Variants in POT1 observed in about 807,000 individuals in gnomAD.
POT1 encodes protection of telomeres protein 1.
Under a neutral mutation model 78.5 loss-of-function variants are expected in POT1, and 47 were observed. The observed-to-expected ratio is 0.60, with a 90% CI of 0.47 to 0.76. The LOEUF (loss-of-function observed/expected upper bound fraction) is 0.76. POT1 is among the 30% of genes least tolerant of loss of function. POT1 has a pLI of 0.00. For synonymous variants in POT1, 259 were observed against 260.7 expected, an observed-to-expected ratio of 0.99 and a Z score of 0.06; for missense variants, 646 against 749.9, an observed-to-expected ratio of 0.86 and a Z score of 1.62.
At chr7:124,928,723 ATACC>A (rs2116732629) in intron 2 of POT1, 88 bp downstream of exon 2, 1 of 152,778 alleles carries the variant, frequency 6.5e-6, no homozygotes, top group South Asian at 2.1e-4. Flanking sequence ...GATAAAAACC[ATACC>A]TAAACCAGTT....
intron 11 of POT1, among the ~76,000 whole-genome samples, chr7:124,850,342 A>G (rs1795272761): frequency 6.6e-6 from 1 of 152,264 alleles, no homozygotes; most frequent in Non-Finnish European, 1.5e-5. Flanking sequence ...GTAACTATGG[A>G]CAAATTATAT....
chr7:124,922,577 G>A (rs1386349564), intron 2 of POT1, among the ~76,000 whole-genome samples: 1 of 151,924 alleles, frequency 6.6e-6, no homozygotes, highest in Non-Finnish European at 1.5e-5. Flanking sequence ...TGGTACAATA[G>A]TAGCTGTAAG....
At chr7:124,850,247 TGAA>T (rs775894752) in intron 11 of POT1, among the ~76,000 whole-genome samples, 30 of 152,044 alleles carry the variant, frequency 2.0e-4, no homozygotes, top group Non-Finnish European at 3.4e-4. Flanking sequence ...ACAGAGAGAA[TGAA>T]GAAAATAAAT....
intron 6 of POT1, among the ~76,000 whole-genome samples, chr7:124,891,366 T>C (rs1796367374): frequency 1.3e-5 from 2 of 151,732 alleles, no homozygotes; most frequent in South Asian, 4.1e-4. Flanking sequence ...AGAAGTATCT[T>C]TCTCCATTCC....
At position 124,858,443 on chromosome 7, in the gene POT1, G is replaced by T. The variant is rs1795500055; in HGVS notation, c.702+514C>A. Among the ~76,000 whole-genome samples, 2 of 151,852 alleles carry T rather than the reference G, an allele frequency of 1.3e-5. 1 individual carries two copies. The highest frequency in any genetic ancestry group is 4.2e-4 in the South Asian group (2 of 4,812). On this transcript the variant is annotated intron_variant, in intron 9 of 18. Coordinates refer to ENST00000357628, the MANE Select transcript of POT1 (RefSeq NM_015450.3). ...CTGTGCACCTTAATGTATTTCAGAAGACAGTATGCAAATTCTATAAATTAC... is the reference window on the plus strand; with the variant it reads ...CTGTGCACCTTAATGTATTTCAGAATACAGTATGCAAATTCTATAAATTAC...
At position 124,902,702 on chromosome 7, in the gene POT1, A is replaced by G. The variant is rs550138401; in HGVS notation, c.-153-4328T>C. On this transcript the variant is annotated intron_variant, in intron 3 of 18. Coordinates refer to ENST00000357628, the MANE Select transcript of POT1 (RefSeq NM_015450.3). ...ATTAACCTTAAATGTAAATGGGCTAAATGCTCCAATTAAAAGACACAGAAT... is the reference window on the plus strand; with the variant it reads ...ATTAACCTTAAATGTAAATGGGCTAGATGCTCCAATTAAAAGACACAGAAT... Among the ~76,000 whole-genome samples, 358 of 152,330 alleles carry G rather than the reference A, an allele frequency of 2.4e-3. 1 individual carries two copies. Among genetic ancestry groups the G allele is most frequent in the African/African-American group, 8.3e-3 (346 of 41,576 alleles).
intron 16 of POT1, among the ~76,000 whole-genome samples, chr7:124,828,712 T>C (rs1344122239): frequency 6.6e-6 from 1 of 152,028 alleles, no homozygotes; most frequent in African/African-American, 2.4e-5. Context: ...AAAAAAAAAT[T>C]ACATTAAGAA....
At chr7:124,916,473 G>C (rs1254150578) in intron 2 of POT1, among the ~76,000 whole-genome samples, 1 of 152,034 alleles carries the variant, frequency 6.6e-6, no homozygotes, top group Non-Finnish European at 1.5e-5. Context: ...AGAGAGTTGA[G>C]GTCACAGGGC....
chr7:124,825,213 G>A lies in POT1; in HGVS notation c.1792+39C>T, dbSNP rs765931131. On this transcript the variant is annotated intron_variant, in intron 18 of 18. Transcript: ENST00000357628. Reference sequence around the variant, plus strand: ...TACATATATGTTAGTGCTATCTCAAGTAAAAGAAGTGTGGGATTGTTAAAA... The same window carrying A: ...TACATATATGTTAGTGCTATCTCAAATAAAAGAAGTGTGGGATTGTTAAAA... The A allele has an allele frequency of 1.1e-5, 15 of 1,372,050 alleles. No individual in the cohort carries two copies. The South Asian group carries it at 1.7e-4, about 16-fold the overall frequency. The allele number at this position is 1,372,050 out of a possible 1,614,324, so 85.0% of individuals were successfully genotyped here. A position where few individuals can be genotyped will look rare whatever the true frequency, so the allele number is the denominator to read the frequency against.
At chr7:124,824,270 C>T (rs940509666) in intron 18 of POT1, among the ~76,000 whole-genome samples, 196 bp from the exon 19 acceptor site, 1 of 151,452 alleles carries the variant, frequency 6.6e-6, no homozygotes, top group Non-Finnish European at 1.5e-5. Context: ...TGTTTTGGAG[C>T]AATTGTGACT....
intron 5 of POT1, among the ~76,000 whole-genome samples, chr7:124,893,723 T>C (rs887311205): frequency 6.6e-6 from 1 of 151,594 alleles, no homozygotes; most frequent in Non-Finnish European, 1.5e-5. Flanking sequence ...GAAATAACTA[T>C]GCTTGCCCAA....
rs913532816 is a variant in POT1, at chr7:124,851,925, G to A, written c.896C>T (p.Ala299Val). ...ACAGATAACATCTGAATGCTGATTG[G>A]CTGTCAAATTTGCAGATTCTAAATC... ...KKDLESANLT[A>V]NQHSDVICQS... The change falls in exon 11 of 19, where the codon GCC becomes GTC. Residue 299 changes from alanine to valine, a missense_variant. Around this residue, in one of 2 missense-constraint regions of POT1, gnomAD observed 394 missense variants for 408.4 expected, o/e 0.96. Coordinates refer to ENST00000357628, the MANE Select transcript of POT1 (RefSeq NM_015450.3). 5.0e-6 allele frequency: 8 copies of A among 1,611,064 alleles called. No homozygotes were observed. In the Admixed American group the frequency reaches 1.2e-4, roughly 24 times the overall value.
intron 5 of POT1, among the ~76,000 whole-genome samples, chr7:124,896,735 G>A (rs2116641726): frequency 6.6e-6 from 1 of 151,608 alleles, no homozygotes; most frequent in Admixed American, 6.6e-5. Context: ...AAAAAGAAAT[G>A]TATCATAAGT....
chr7:124,918,828 C>T (rs1797078980), intron 2 of POT1, among the ~76,000 whole-genome samples: 1 of 152,072 alleles, frequency 6.6e-6, no homozygotes, highest in Non-Finnish European at 1.5e-5. Context: ...AATAGCTGCC[C>T]TATATAAACT....
Position 124,825,482 on chromosome 7 carries a change from T to C in POT1, c.1687-125A>G, listed in dbSNP as rs1464368931. On this transcript the variant is annotated intron_variant, in intron 17 of 18. Coordinates refer to ENST00000357628, the MANE Select transcript of POT1 (RefSeq NM_015450.3). ...TCTAGACAGTTTCCCTCTATCAAGA[T>C]TGTAGAATTCATAAACTAGAATGCT... 7.3e-6 allele frequency: 4 copies of C among 548,148 alleles called. No individual in the cohort carries two copies. The East Asian group carries it at 9.6e-5, about 13-fold the overall frequency. 34.0% of individuals were successfully genotyped at this position (548,148 alleles called of 1,614,324 possible).
chr7:124,833,454 A>T (rs1359698102), intron 15 of POT1, among the ~76,000 whole-genome samples: 2 of 152,228 alleles, frequency 1.3e-5, no homozygotes, highest in African/African-American at 4.8e-5. Flanking sequence ...GTTATAATCC[A>T]AGGTTTCTCA....
At chr7:124,890,411 A>G (rs558120119) in intron 6 of POT1, among the ~76,000 whole-genome samples, 1 of 152,122 alleles carries the variant, frequency 6.6e-6, no homozygotes, top group South Asian at 2.1e-4. Flanking sequence ...GACTTAGAAT[A>G]TTCCATAAAC....
In POT1 at chr7:124,848,835, T is replaced by C. The variant is rs548246190; in HGVS notation, c.950-1837A>G. Among the ~76,000 whole-genome samples, 165 of 152,192 alleles carry C rather than the reference T, an allele frequency of 1.1e-3. 1 individual carries two copies. Among genetic ancestry groups the C allele is most frequent in the African/African-American group, 3.8e-3 (157 of 41,536 alleles). On this transcript the variant is annotated intron_variant, in intron 11 of 18. Transcript: ENST00000357628. Reference sequence around the variant, plus strand: ...TTTATCATGTTGAAAAAATACAGTGTAGAGGAAATAAAAGCGGAGATGGAT... The same window carrying C: ...TTTATCATGTTGAAAAAATACAGTGCAGAGGAAATAAAAGCGGAGATGGAT...
At chr7:124,873,924 A>C (rs1795929205) in intron 6 of POT1, among the ~76,000 whole-genome samples, 1 of 152,196 alleles carries the variant, frequency 6.6e-6, no homozygotes, top group African/African-American at 2.4e-5. Flanking sequence ...CAAGGTGGCT[A>C]CAGTGAAGAT....
Sources: gnomAD v4.1 joint callset for allele counts (sites outside exome capture counted in the v4.1 genomes callset) on GRCh38, gnomAD v4.1.1 for gene constraint, gnomAD v4.1.1 regional missense constraint, MANE v1.5 for transcripts, NCBI Gene and HGNC (gene_info 2026-07-23, HGNC 2026-07-21) for gene names.